Variants in RBFOX1 observed in about 807,000 individuals in gnomAD.
RBFOX1 encodes the protein RNA binding fox-1 homolog 1.
RBFOX1 carries 8 observed loss-of-function variants against 57.7 expected under a neutral mutation model. The ratio of observed to expected loss-of-function variants is 0.14; its 90% confidence interval spans 0.08 to 0.25. The LOEUF is 0.25. RBFOX1 is among the 10% of genes least tolerant of loss of function. The pLI is 1.00. For missense variants in RBFOX1, 611 were observed against 548.5 expected, an observed-to-expected ratio of 1.11 and a Z score of -1.14; for synonymous variants, 326 against 222.4, an observed-to-expected ratio of 1.47 and a Z score of -4.15.
chr16:7,029,081 T>TATATACAC (rs1356233922), intron 3 of RBFOX1, among the ~76,000 whole-genome samples: 1 of 47,954 alleles, frequency 2.1e-5, no homozygotes, highest in Non-Finnish European at 3.2e-5. Context: ...TATATATATA[T>TATATACAC]ACACACACAC....
At chr16:6,256,397 G>C (rs1302556916) in intron 1 of RBFOX1, among the ~76,000 whole-genome samples, 1 of 149,882 alleles carries the variant, frequency 6.7e-6, no homozygotes, top group African/African-American at 2.4e-5. Context: ...AAGGAGGCAG[G>C]CATGCCCAAG....
At chr16:6,308,633 C>G (rs1297612070) in intron 1 of RBFOX1, among the ~76,000 whole-genome samples, 1 of 152,164 alleles carries the variant, frequency 6.6e-6, no homozygotes, top group Non-Finnish European at 1.5e-5. Flanking sequence ...TGGAGCTAGG[C>G]TGAGCCAGAG....
At position 6,097,579 on chromosome 16, in the gene RBFOX1, A is replaced by G. The variant is rs112828093; in HGVS notation, c.-127+77587A>G. On this transcript the variant is annotated intron_variant, in intron 1 of 15. Coordinates refer to ENST00000550418, the MANE Select transcript of RBFOX1 (RefSeq NM_018723.4). The surrounding 1 kb of genome is among the most constrained non-coding windows in gnomAD (Gnocchi z 5.0). ...ATAAGAACCTCTGCTGCACAGGGAG[A>G]CCTCACTTTCATTATTCTCATTTCA... is the stretch of plus-strand genomic sequence containing the variant. 8.4e-3 allele frequency among the ~76,000 whole-genome samples: 1,280 copies of G among 152,142 alleles called. 14 individuals are homozygous for G. The highest frequency in any genetic ancestry group is 0.02 in the Middle Eastern group (6 of 294).
chr16:7,027,627 C>T (rs999554314), intron 3 of RBFOX1, among the ~76,000 whole-genome samples: 5 of 152,128 alleles, frequency 3.3e-5, no homozygotes, highest in Admixed American at 1.3e-4. Flanking sequence ...AGAATTTAAT[C>T]CCCCAAGCCC....
intron 4 of RBFOX1, among the ~76,000 whole-genome samples, chr16:5,892,256 G>A (rs918954448): frequency 4.6e-5 from 7 of 152,280 alleles, no homozygotes; most frequent in Admixed American, 2.0e-4. Flanking sequence ...GAGACTTGGC[G>A]GGGTTGAGGG....
intron 3 of RBFOX1, among the ~76,000 whole-genome samples, chr16:7,011,516 G>T (rs746468640): frequency 3.3e-5 from 5 of 151,402 alleles, no homozygotes; most frequent in African/African-American, 1.2e-4. Context: ...GTTTTGTTTT[G>T]TTTTGTTTGT....
intron 4 of RBFOX1, among the ~76,000 whole-genome samples, chr16:7,115,206 A>C (rs2065623772): frequency 6.6e-6 from 1 of 152,098 alleles, no homozygotes; most frequent in Non-Finnish European, 1.5e-5. Context: ...AACTGATGAA[A>C]ATGGATGTAA....
intron 1 of RBFOX1, among the ~76,000 whole-genome samples, chr16:6,264,340 G>T (rs946511131): frequency 6.6e-6 from 1 of 152,148 alleles, no homozygotes; most frequent in Non-Finnish European, 1.5e-5. Context: ...CAGTGAAGTT[G>T]CACTGGGTAT....
At chr16:5,319,729 G>T (rs1232121015) in intron 1 of RBFOX1, among the ~76,000 whole-genome samples, 2 of 152,184 alleles carry the variant, frequency 1.3e-5, no homozygotes. Flanking sequence ...TAAAATCTCA[G>T]TAACTTCCAC....
chr16:5,768,980 A>C (rs2151669570), intron 3 of RBFOX1, among the ~76,000 whole-genome samples: 1 of 152,266 alleles, frequency 6.6e-6, no homozygotes, highest in South Asian at 2.1e-4. Flanking sequence ...AGAAGAAGTC[A>C]AATGGGGCTG....
At chr16:6,886,663 A>G (rs1316889057) in intron 3 of RBFOX1, among the ~76,000 whole-genome samples, 1 of 151,914 alleles carries the variant, frequency 6.6e-6, no homozygotes, top group Non-Finnish European at 1.5e-5. Flanking sequence ...GCTGAGGCAC[A>G]AGAATCGCTT....
chr16:6,419,765 T>C (rs1184796269), intron 2 of RBFOX1, among the ~76,000 whole-genome samples: 1 of 152,144 alleles, frequency 6.6e-6, no homozygotes, highest in Admixed American at 6.5e-5. Flanking sequence ...CACCGCAATT[T>C]TTGCCTTGCT....
intron 3 of RBFOX1, among the ~76,000 whole-genome samples, chr16:6,677,413 T>G (rs1226147313): frequency 6.6e-6 from 1 of 152,178 alleles, no homozygotes; most frequent in African/African-American, 2.4e-5. Context: ...GAGGCCTATT[T>G]TATTAGTCTA....
intron 3 of RBFOX1, among the ~76,000 whole-genome samples, chr16:6,727,762 C>A (rs2067585471): frequency 6.6e-6 from 1 of 152,154 alleles, no homozygotes; most frequent in Non-Finnish European, 1.5e-5. Context: ...AGTTCAGTAG[C>A]ATCCGTCCAG....
At chr16:5,313,844 T>C (rs961558480) in intron 1 of RBFOX1, among the ~76,000 whole-genome samples, 4 of 152,022 alleles carry the variant, frequency 2.6e-5, no homozygotes, top group Non-Finnish European at 5.9e-5. Flanking sequence ...GAGATTTGGA[T>C]TGGGGACACA....
chr16:5,620,173 C>T (rs1435648508), intron 3 of RBFOX1, among the ~76,000 whole-genome samples: 3 of 152,050 alleles, frequency 2.0e-5, no homozygotes, highest in African/African-American at 4.8e-5. Context: ...GCTTTGCGTA[C>T]ATTTTTGCGC....
intron 3 of RBFOX1, among the ~76,000 whole-genome samples, chr16:7,003,653 T>A (rs1318884243): frequency 2.0e-5 from 3 of 152,136 alleles, no homozygotes; most frequent in African/African-American, 7.2e-5. Context: ...CAAAGGTTGA[T>A]ACATGTAGCA....
downstream of RBFOX1, among the ~76,000 whole-genome samples, chr16:5,603,943 C>A (rs2047463253): frequency 6.8e-6 from 1 of 147,970 alleles, no homozygotes. Context: ...CCTCCTATAC[C>A]CAAGGCAGAC....
At chr16:7,521,357 C>T (rs897018177) in intron 5 of RBFOX1, among the ~76,000 whole-genome samples, 1 of 151,988 alleles carries the variant, frequency 6.6e-6, no homozygotes, top group East Asian at 1.9e-4. Context: ...TGAAATTCCA[C>T]GTTATAAGCA....
Sources: allele counts gnomAD v4.1 joint callset (sites outside exome capture counted in the v4.1 genomes callset), GRCh38; gene constraint gnomAD v4.1.1; non-coding constraint Gnocchi (gnomAD v3.1); transcripts MANE v1.5; gene names NCBI Gene and HGNC (gene_info 2026-07-23, HGNC 2026-07-21).